AP4E1: variants seen among roughly 807,000 people sequenced by gnomAD.
AP4E1 encodes the protein adaptor related protein complex 4 subunit epsilon 1.
AP4E1 carries 56 observed loss-of-function variants against 128.2 expected under a neutral mutation model. The observed-to-expected ratio is 0.44, with a 90% CI of 0.35 to 0.55. AP4E1 has a LOEUF of 0.55. AP4E1 is among the 20% of genes least tolerant of loss of function. The pLI, the probability that AP4E1 is intolerant of heterozygous loss-of-function variation, is 0.00. For missense variants in AP4E1, 1,324 were observed against 1,307.7 expected (o/e 1.01, Z -0.19); for synonymous variants, 484 against 473.1 (o/e 1.02, Z -0.30).
intron 17 of AP4E1, among the ~76,000 whole-genome samples, chr15:50,994,393 C>A (rs2064843919): frequency 6.6e-6 from 1 of 152,056 alleles, no homozygotes; most frequent in Non-Finnish European, 1.5e-5. Flanking sequence ...GGTCTTTCAT[C>A]CTCCTCCTCC....
intron 10 of AP4E1, chr15:50,944,872 G>T: frequency 1.2e-6 from 1 of 803,480 alleles, no homozygotes; most frequent in South Asian, 1.5e-5. Flanking sequence ...GGAGTCAGTT[G>T]CTTGGCAAAG....
At chr15:50,929,930 C>CT (rs2063811652) in intron 6 of AP4E1, among the ~76,000 whole-genome samples, 1 of 151,898 alleles carries the variant, frequency 6.6e-6, no homozygotes, top group African/African-American at 2.4e-5. Context: ...TCTAATGTTC[C>CT]TTTTAAGGAG....
intron 3 of AP4E1, among the ~76,000 whole-genome samples, chr15:50,923,089 A>G (rs1425973221): frequency 1.3e-5 from 2 of 152,186 alleles, no homozygotes; most frequent in East Asian, 3.9e-4. Flanking sequence ...GGGTCTCATT[A>G]TATAGGGATA....
Position 50,997,471 on chromosome 15 carries a change from A to G in AP4E1, c.2492A>G (p.Tyr831Cys), listed in dbSNP as rs1354474499. ...AATGTGGCATATGAAGATGATTATT[A>G]TTCGAATACTTTGCACGATACAGGA... ...LSNVAYEDDY[Y>C]SNTLHDTGDK... The change falls in exon 18 of 21, where the codon TAT (tyrosine) becomes TGT (cysteine). Residue 831 changes from tyrosine (Y) to cysteine (C), a missense_variant. Transcript: ENST00000261842. The G allele has an allele frequency of 1.2e-6, 2 of 1,614,034 alleles. No individual in the cohort carries two copies. The highest frequency in any genetic ancestry group is 1.7e-6 in the Non-Finnish European group (2 of 1,179,968).
intron 2 of AP4E1, among the ~76,000 whole-genome samples, chr15:50,913,953 A>T (rs556837237): frequency 1.7e-4 from 26 of 152,034 alleles, no homozygotes; most frequent in African/African-American, 6.3e-4. Flanking sequence ...AGCTGGGATT[A>T]ATTACAGGCG....
Position 50,915,865 on chromosome 15 carries a change from A to G in AP4E1, c.346+294A>G, listed in dbSNP as rs1008286083. The G allele has an allele frequency of 1.3e-5, 4 of 310,600 alleles. No individual in the cohort carries two copies. In the Admixed American group the frequency reaches 1.4e-4, roughly 11 times the overall value. The allele number at this position is 310,600 out of a possible 1,614,324, so 19.2% of individuals were successfully genotyped here. A position where few individuals can be genotyped will look rare whatever the true frequency, so the allele number is the denominator to read the frequency against. On this transcript the variant is annotated intron_variant, in intron 3 of 20. Transcript: ENST00000261842. ...AACCATACACTTAAATATTTTTTGT[A>G]TATAAATTATATGTCTATAAAGCTG...
chr15:50,910,879 C>T lies in AP4E1; in HGVS notation c.151-1199C>T, dbSNP rs1596449454. On this transcript the variant is annotated intron_variant, in intron 1 of 20. Coordinates refer to ENST00000261842, the MANE Select transcript of AP4E1 (RefSeq NM_007347.5). ...CCATGTTGGCCAGGCTGGTCTTGAA[C>T]TCCTGACCTCAGGTAATCCACCTGC... Among the ~76,000 whole-genome samples, 2 of 152,212 alleles carry T rather than the reference C, an allele frequency of 1.3e-5. 1 individual carries two copies. Among genetic ancestry groups the T allele is most frequent in the Admixed American group, 1.3e-4 (2 of 15,278 alleles).
chr15:50,957,087 G>C (rs2064234578), intron 13 of AP4E1, among the ~76,000 whole-genome samples: 1 of 152,168 alleles, frequency 6.6e-6, no homozygotes, highest in South Asian at 2.1e-4. Flanking sequence ...TCTGTCATCA[G>C]CAGACGGCTT....
intron 5 of AP4E1, among the ~76,000 whole-genome samples, chr15:50,925,753 C>T (rs2063761257): frequency 6.6e-6 from 1 of 151,518 alleles, no homozygotes; most frequent in Non-Finnish European, 1.5e-5. Context: ...CCTCAGCCTC[C>T]CATGTAGCTA....
intron 14 of AP4E1, among the ~76,000 whole-genome samples, chr15:50,960,710 C>G (rs967962155): frequency 2.0e-5 from 3 of 151,630 alleles, no homozygotes; most frequent in African/African-American, 7.3e-5. Flanking sequence ...CCTTATGATG[C>G]ACCTCAAGCG....
At position 50,929,012 on chromosome 15, in the gene AP4E1, G is replaced by C; in HGVS notation, c.546G>C (p.Glu182Asp). The C allele has an allele frequency of 6.2e-7, 1 of 1,613,714 alleles. No homozygotes were observed. The highest frequency in any genetic ancestry group is 1.7e-5 in the Admixed American group (1 of 60,016). The stretch of plus-strand genomic sequence containing the variant: ...AAATTTCATTTTTTGTCTTCAGGGA[G>C]ATTGTACGAAGAAAAGCTGTTCTGG... ...LIEDKLQHSK[E>D]IVRRKAVLAL... The change falls in exon 6 of 21, where the codon GAG (glutamate) becomes GAC (aspartate). Residue 182 changes from glutamate (E) to aspartate (D), a missense_variant. Transcript: ENST00000261842.
At chr15:50,935,600 A>AAGAGGC (rs1399025492) in intron 8 of AP4E1, among the ~76,000 whole-genome samples, 12 of 152,194 alleles carry the variant, frequency 7.9e-5, no homozygotes, top group Admixed American at 7.9e-4. Flanking sequence ...ACAACAGTAG[A>AAGAGGC]AGAGGCACTG....
At chr15:50,934,154 T>C (rs2063874573) in intron 7 of AP4E1, among the ~76,000 whole-genome samples, 1 of 152,066 alleles carries the variant, frequency 6.6e-6, no homozygotes, top group Admixed American at 6.5e-5. Flanking sequence ...TTAATGTAAA[T>C]GTAAGTAAAA....
intron 8 of AP4E1, among the ~76,000 whole-genome samples, chr15:50,937,734 G>A (rs2063925996): frequency 6.6e-6 from 1 of 152,140 alleles, no homozygotes; most frequent in Admixed American, 6.5e-5. Flanking sequence ...GGGGCTTTTA[G>A]GTGGAGGGAA....
At chr15:50,943,466 G>T (rs1405973230) in intron 10 of AP4E1, among the ~76,000 whole-genome samples, 1 of 151,968 alleles carries the variant, frequency 6.6e-6, no homozygotes, top group Non-Finnish European at 1.5e-5. Context: ...ACATGCCTTG[G>T]ATCTGGGCAG....
chr15:50,965,815 T>C (rs973247870), intron 14 of AP4E1, among the ~76,000 whole-genome samples: 1 of 152,220 alleles, frequency 6.6e-6, no homozygotes, highest in Non-Finnish European at 1.5e-5. Context: ...CACCTTTTAG[T>C]TTCACACCTA....
At chr15:51,002,287 A>G (rs1385133662) in intron 20 of AP4E1, among the ~76,000 whole-genome samples, 4 of 152,166 alleles carry the variant, frequency 2.6e-5, no homozygotes, top group Non-Finnish European at 5.9e-5. Flanking sequence ...CGTCTTCATC[A>G]TCATTTGTTA....
chr15:50,976,284 A>G (rs146781302), intron 15 of AP4E1, among the ~76,000 whole-genome samples: 1 of 152,232 alleles, frequency 6.6e-6, no homozygotes, highest in Non-Finnish European at 1.5e-5. Context: ...AAAACCACAC[A>G]GTTCTCAATA....
At chr15:50,950,239 C>A in intron 13 of AP4E1, 70 bp downstream of exon 13, 1 of 1,111,532 alleles carries the variant, frequency 9.0e-7, no homozygotes, top group Non-Finnish European at 1.3e-6. Context: ...AACATATTTT[C>A]TTCAGAAACC....
Sources: allele counts gnomAD v4.1 joint callset (sites outside exome capture counted in the v4.1 genomes callset), GRCh38; gene constraint gnomAD v4.1.1; transcripts MANE v1.5; gene names NCBI Gene and HGNC (gene_info 2026-07-23, HGNC 2026-07-21).